TENM3: variants seen among roughly 807,000 people sequenced by gnomAD.
TENM3 encodes teneurin transmembrane protein 3.
A neutral mutation model predicts 255.1 loss-of-function variants in TENM3; 63 were observed. The ratio of observed to expected loss-of-function variants is 0.25; its 90% CI spans 0.20 to 0.30. The LOEUF is 0.30. Ranked by LOEUF, TENM3 falls within the 10% of genes least tolerant of loss-of-function variation. The probability of loss-of-function intolerance (pLI) is 1.00; values close to 1 mark genes in which losing one functional copy is unlikely to be tolerated. For missense variants in TENM3, 2,929 were observed against 3,461.1 expected (o/e 0.85, Z 3.86); for synonymous variants, 1,306 against 1,322.3 (o/e 0.99, Z 0.27).
At chr4:181,966,973 C>T in the TENM3 span, among the ~76,000 whole-genome samples, 1 of 152,008 alleles carries the variant, frequency 6.6e-6, no homozygotes, top group African/African-American at 2.4e-5. Context: ...CCCTCCCCTT[C>T]GTTCCCTCAC....
chr4:181,888,543 T>TATAC, the TENM3 span, among the ~76,000 whole-genome samples: 1 of 115,912 alleles, frequency 8.6e-6, no homozygotes, highest in Non-Finnish European at 1.7e-5. Flanking sequence ...TGTGTATATA[T>TATAC]ATATATGTAT....
chr4:181,934,016 A>G, the TENM3 span, among the ~76,000 whole-genome samples: 1 of 152,050 alleles, frequency 6.6e-6, no homozygotes, highest in East Asian at 1.9e-4. Flanking sequence ...CAGTTTGATT[A>G]AATTGATTTT....
intron 3 of TENM3, among the ~76,000 whole-genome samples, chr4:182,543,254 G>C (rs576126124): frequency 1.3e-5 from 2 of 152,286 alleles, no homozygotes; most frequent in East Asian, 3.9e-4. Flanking sequence ...AGGGAGGGAG[G>C]AAGGGAAGTG....
Position 182,796,753 on chromosome 4 carries a change from T to C in TENM3, c.7330T>C (p.Trp2444Arg). Reference protein sequence around the residue: ...PSYELVKSQQWDDIPPIFGVQ... With the variant: ...PSYELVKSQQRDDIPPIFGVQ... Reference sequence around the variant, plus strand: ...TTACGAACTTGTGAAGAGTCAGCAGTGGGATGATATACCGGTAAGAAACAA... The same window carrying C: ...TTACGAACTTGTGAAGAGTCAGCAGCGGGATGATATACCGGTAAGAAACAA... Residue 2444 changes from tryptophan (W) to arginine (R), a missense_variant, in exon 27 of 28, where the codon TGG (tryptophan) becomes CGG (arginine). By Grantham distance (101) the Trp-to-Arg change is moderately radical. Transcript: ENST00000511685. The C allele has an allele frequency of 6.2e-7, 1 of 1,608,380 alleles. No individual in the cohort carries two copies. The highest frequency in any genetic ancestry group is 8.5e-7 in the Non-Finnish European group (1 of 1,177,082).
At chr4:182,412,969 A>G (rs1770101940) in intron 3 of TENM3, among the ~76,000 whole-genome samples, 1 of 152,098 alleles carries the variant, frequency 6.6e-6, no homozygotes, top group Non-Finnish European at 1.5e-5. Context: ...TGAAATGAAA[A>G]ACAATAGATA....
intron 3 of TENM3, among the ~76,000 whole-genome samples, chr4:182,492,057 C>T (rs1272437492): frequency 6.6e-6 from 1 of 152,100 alleles, no homozygotes; most frequent in East Asian, 1.9e-4. Context: ...TGGATGGGGA[C>T]AGAGTATAGA....
intron 3 of TENM3, among the ~76,000 whole-genome samples, chr4:182,499,982 C>T (rs1736161746): frequency 6.6e-6 from 1 of 152,112 alleles, no homozygotes; most frequent in East Asian, 1.9e-4. Context: ...CCTGAATTAG[C>T]AATAGGGCCA....
At chr4:181,896,227 C>G in the TENM3 span, among the ~76,000 whole-genome samples, 1 of 152,056 alleles carries the variant, frequency 6.6e-6, no homozygotes, top group Admixed American at 6.6e-5. Flanking sequence ...GTCTTATTCC[C>G]CCAATCTAAA....
the TENM3 span, among the ~76,000 whole-genome samples, chr4:182,076,554 A>G: frequency 6.6e-6 from 1 of 152,148 alleles, no homozygotes; most frequent in Non-Finnish European, 1.5e-5. Flanking sequence ...CCTTCAAGAC[A>G]TCACTCACAT....
the TENM3 span, among the ~76,000 whole-genome samples, chr4:181,810,892 C>T: frequency 6.6e-5 from 10 of 152,100 alleles, 1 homozygote; most frequent in South Asian, 1.5e-3. Context: ...GATGATGTAG[C>T]ATCCCAGCTT....
the TENM3 span, among the ~76,000 whole-genome samples, chr4:181,798,984 T>C: frequency 6.6e-6 from 1 of 152,240 alleles, no homozygotes; most frequent in Non-Finnish European, 1.5e-5. Context: ...GCCTGACTTT[T>C]AACAAGGGTA....
the TENM3 span, among the ~76,000 whole-genome samples, chr4:181,638,823 C>G: frequency 2.0e-5 from 3 of 151,994 alleles, no homozygotes; most frequent in African/African-American, 7.2e-5. Context: ...GATGCACCTG[C>G]ATATTTTGGT....
At chr4:182,083,775 G>A in the TENM3 span, among the ~76,000 whole-genome samples, 9 of 152,050 alleles carry the variant, frequency 5.9e-5, no homozygotes, top group South Asian at 2.1e-4. Flanking sequence ...CTGCATATAC[G>A]TGGCACTCGT....
the TENM3 span, among the ~76,000 whole-genome samples, chr4:181,763,226 A>G: frequency 1.3e-5 from 2 of 152,204 alleles, no homozygotes; most frequent in Non-Finnish European, 2.9e-5. Context: ...CATAAGGTCA[A>G]GAAATTTGAC....
chr4:181,700,238 T>C, the TENM3 span, among the ~76,000 whole-genome samples: 12 of 151,998 alleles, frequency 7.9e-5, no homozygotes, highest in Non-Finnish European at 1.6e-4. Context: ...GTCTTTTTTT[T>C]TTTTCTTTTC....
intron 1 of TENM3, among the ~76,000 whole-genome samples, chr4:182,291,480 T>C (rs1561287162): frequency 1.3e-5 from 2 of 152,096 alleles, no homozygotes; most frequent in Non-Finnish European, 2.9e-5. Flanking sequence ...TAGATTTCAG[T>C]TGTGAGGATG....
chr4:182,027,482 C>G, the TENM3 span, among the ~76,000 whole-genome samples: 4 of 151,852 alleles, frequency 2.6e-5, no homozygotes, highest in African/African-American at 7.3e-5. Flanking sequence ...TGTCTGATTG[C>G]TCTAGCTAGG....
intron 5 of TENM3, among the ~76,000 whole-genome samples, chr4:182,629,510 C>CTTTTA (rs139489389): frequency 0.061 from 9,356 of 152,134 alleles, 394 homozygotes; most frequent in East Asian, 0.14. Context: ...GTAAATATTG[C>CTTTTA]TTTTATTTAA....
At position 182,711,371 on chromosome 4, in the gene TENM3, G is replaced by C. The variant is rs547227122; in HGVS notation, c.2222-2716G>C. 6.5e-4 allele frequency among the ~76,000 whole-genome samples: 99 copies of C among 152,270 alleles called. 1 individual carries two copies. The South Asian group carries it at 0.02, about 31-fold the overall frequency. ...TAGTTCAGTGAGTTGAAAATGCTGA[G>C]TATTTGCTGGAATCATGACTACATT... On this transcript the variant is annotated intron_variant, in intron 12 of 27. Transcript: ENST00000511685.
Sources: allele counts gnomAD v4.1 joint callset (sites outside exome capture counted in the v4.1 genomes callset), GRCh38; gene constraint gnomAD v4.1.1; transcripts MANE v1.5; gene names NCBI Gene and HGNC (gene_info 2026-07-23, HGNC 2026-07-21).